Variants in GRM5 observed in about 807,000 individuals in gnomAD.
The protein encoded by GRM5 is glutamate metabotropic receptor 5, also known as metabotropic glutamate receptor 5.
Under a neutral mutation model 83.1 loss-of-function variants are expected in GRM5, and 19 were observed. The observed-to-expected ratio is 0.23, with a 90% CI of 0.16 to 0.34. The LOEUF (loss-of-function observed/expected upper bound fraction) is 0.34. Ranked by LOEUF, GRM5 falls within the 10% of genes least tolerant of loss-of-function variation. GRM5 has a pLI of 1.00. For missense variants in GRM5, 1,160 were observed against 1,588.3 expected (o/e 0.73, Z 4.58); for synonymous variants, 675 against 633.6 (o/e 1.07, Z -0.98).
intron 2 of GRM5, among the ~76,000 whole-genome samples, chr11:88,874,097 A>G (rs1944811870): frequency 6.6e-6 from 1 of 151,774 alleles, no homozygotes; most frequent in South Asian, 2.1e-4. Context: ...AAAGTTCAAC[A>G]CTGGATATAT....
At chr11:88,931,882 C>T (rs185904911) in intron 2 of GRM5, among the ~76,000 whole-genome samples, 2 of 152,178 alleles carry the variant, frequency 1.3e-5, no homozygotes, top group East Asian at 3.9e-4. Context: ...TATATAAACA[C>T]ATTATATATG....
At chr11:88,639,864 G>A (rs34844711) in intron 4 of GRM5, among the ~76,000 whole-genome samples, 20,037 of 152,090 alleles carry the variant, frequency 0.13, 1,625 homozygotes, top group Middle Eastern at 0.19. Flanking sequence ...TAGAAAATTG[G>A]TCTTTTTAAA....
intron 2 of GRM5, among the ~76,000 whole-genome samples, chr11:89,009,792 T>C (rs1940634895): frequency 6.8e-6 from 1 of 147,050 alleles, no homozygotes; most frequent in Non-Finnish European, 1.5e-5. Flanking sequence ...TCCCAGCTAC[T>C]CGGGAGGCTG....
intron 8 of GRM5, among the ~76,000 whole-genome samples, chr11:88,551,003 C>A (rs575294930): frequency 1.3e-5 from 2 of 152,176 alleles, no homozygotes; most frequent in South Asian, 4.2e-4. Flanking sequence ...ACTAATGTTA[C>A]CTGTCTCATG....
At chr11:89,004,332 C>G (rs1274606912) in intron 2 of GRM5, among the ~76,000 whole-genome samples, 2 of 152,066 alleles carry the variant, frequency 1.3e-5, no homozygotes, top group Non-Finnish European at 2.9e-5. Context: ...TTATTAAACA[C>G]AAATAATATT....
chr11:88,872,140 T>C (rs1309267367), intron 2 of GRM5, among the ~76,000 whole-genome samples: 1 of 151,392 alleles, frequency 6.6e-6, no homozygotes, highest in Non-Finnish European at 1.5e-5. Flanking sequence ...TGTTAAGGTA[T>C]TCCTGGAAAT....
At chr11:88,890,264 C>A (rs1945121373) in intron 2 of GRM5, among the ~76,000 whole-genome samples, 1 of 152,000 alleles carries the variant, frequency 6.6e-6, no homozygotes, top group Admixed American at 6.6e-5. Context: ...TTTAGGGGAC[C>A]AAAAATCTAG....
At chr11:88,939,173 C>T (rs1938001411) in intron 2 of GRM5, among the ~76,000 whole-genome samples, 1 of 151,692 alleles carries the variant, frequency 6.6e-6, no homozygotes, top group Admixed American at 6.6e-5. Flanking sequence ...CTCTTGAGAT[C>T]ACCAAATATA....
At position 88,508,680 on chromosome 11, in the gene GRM5, A is replaced by T. The variant is rs751301223; in HGVS notation, c.3551T>A (p.Val1184Glu). 4 of 1,608,120 alleles carry T rather than the reference A, an allele frequency of 2.5e-6. No individual in the cohort carries two copies. In the South Asian group the frequency reaches 4.4e-5, roughly 18 times the overall value. ...CGGGATACAGAGGGCCGACTCGGAC[A>T]CTGGCGAGTTGGGGGTTGTGCTCCC... The part of the protein sequence containing the change: ...DSGSTTPNSP[V>E]SESALCIPSS... The change falls in exon 10 of 10, where the codon GTG becomes GAG. Residue 1184 changes from valine (V) to glutamate (E), a missense_variant. Physicochemically the swap from Val to Glu is moderately radical, Grantham distance 121. Transcript: ENST00000305447. This position sits in a 1 kb window ranked among gnomAD's most constrained non-coding sequence, Gnocchi z 4.2.
intron 7 of GRM5, among the ~76,000 whole-genome samples, chr11:88,575,099 A>T (rs539365251): frequency 1.3e-5 from 2 of 152,096 alleles, no homozygotes; most frequent in South Asian, 4.1e-4. Context: ...ACGAAACAAA[A>T]CATGGCATGA....
At chr11:88,640,397 C>T (rs1219873119) in intron 4 of GRM5, among the ~76,000 whole-genome samples, 2 of 152,100 alleles carry the variant, frequency 1.3e-5, no homozygotes, top group East Asian at 3.8e-4. Flanking sequence ...TTTTTCTATT[C>T]TCTCACTCAA....
At chr11:88,954,903 G>C (rs1157005953) in intron 2 of GRM5, among the ~76,000 whole-genome samples, 1 of 152,068 alleles carries the variant, frequency 6.6e-6, no homozygotes, top group African/African-American at 2.4e-5. Flanking sequence ...CAATGGCAAG[G>C]GCTAAGGATT....
rs1944876327 is a variant in GRM5, at chr11:88,877,553, CTG to C, written c.662-27400_662-27399del. 1.3e-5 allele frequency among the ~76,000 whole-genome samples: 2 copies of C among 151,962 alleles called. 1 individual carries two copies. The highest frequency in any genetic ancestry group is 4.2e-4 in the South Asian group (2 of 4,814). Reference sequence around the variant, plus strand: ...ATCAACCTGGCCCAGTGGCTCATGACTGTAATCCCAGCACTTTGGGAGGCCAA... The same window carrying C: ...ATCAACCTGGCCCAGTGGCTCATGACTAATCCCAGCACTTTGGGAGGCCAA... On this transcript the variant is annotated intron_variant, in intron 2 of 9. Coordinates refer to ENST00000305447, the MANE Select transcript of GRM5 (RefSeq NM_001143831.3).
intron 2 of GRM5, among the ~76,000 whole-genome samples, chr11:88,868,255 C>G (rs1267279187): frequency 6.6e-6 from 1 of 151,824 alleles, no homozygotes; most frequent in African/African-American, 2.4e-5. Context: ...ATGAGAATGG[C>G]TCTGAAATTA....
intron 3 of GRM5, among the ~76,000 whole-genome samples, chr11:88,724,845 T>C (rs557598906): frequency 2.6e-5 from 4 of 152,084 alleles, no homozygotes. Context: ...GCTAGGGCTG[T>C]GCTGTAAGAA....
intron 8 of GRM5, among the ~76,000 whole-genome samples, chr11:88,564,988 A>G (rs932085074): frequency 6.6e-6 from 1 of 152,128 alleles, no homozygotes; most frequent in African/African-American, 2.4e-5. Flanking sequence ...GTAAAAGAAG[A>G]CTGACAATGG....
intron 4 of GRM5, among the ~76,000 whole-genome samples, chr11:88,652,112 C>A (rs1939647947): frequency 6.6e-6 from 1 of 151,998 alleles, no homozygotes; most frequent in South Asian, 2.1e-4. Flanking sequence ...GGCATCTATA[C>A]CACCAACTAA....
At chr11:89,027,246 C>T (rs1259663032) in intron 2 of GRM5, among the ~76,000 whole-genome samples, 1 of 152,002 alleles carries the variant, frequency 6.6e-6, no homozygotes, top group Non-Finnish European at 1.5e-5. Context: ...CAGGTGCATG[C>T]CACCACATCC....
At chr11:88,739,687 C>T (rs183451611) in intron 3 of GRM5, among the ~76,000 whole-genome samples, 5 of 152,042 alleles carry the variant, frequency 3.3e-5, no homozygotes, top group Admixed American at 6.6e-5. Flanking sequence ...GTTCCTCCTT[C>T]GCTCACACTT....
Sources: allele counts gnomAD v4.1 joint callset (sites outside exome capture counted in the v4.1 genomes callset), GRCh38; gene constraint gnomAD v4.1.1; non-coding constraint Gnocchi (gnomAD v3.1); transcripts MANE v1.5; gene names NCBI Gene and HGNC (gene_info 2026-07-23, HGNC 2026-07-21).